The following DOCK2 variants were observed in gnomAD, a reference collection of about 807,000 sequenced individuals.
DOCK2 encodes dedicator of cytokinesis 2.
A neutral mutation model predicts 248.9 loss-of-function variants in DOCK2; 87 were observed. The ratio of observed to expected loss-of-function variants is 0.35; its 90% confidence interval spans 0.29 to 0.42. The LOEUF is 0.42. DOCK2 is among the 10% of genes least tolerant of loss of function. The pLI, the probability that DOCK2 is intolerant of heterozygous loss-of-function variation, is 1.00. For missense variants in DOCK2, 1,747 were observed against 2,300.2 expected (o/e 0.76, Z 4.92); for synonymous variants, 805 against 821.6 (o/e 0.98, Z 0.35).
chr5:169,967,925 C>T (rs533189240), intron 27 of DOCK2, among the ~76,000 whole-genome samples: 1 of 152,198 alleles, frequency 6.6e-6, no homozygotes, highest in Admixed American at 6.5e-5. Context: ...GATTACTGTC[C>T]TGGCCAAAGT....
chr5:170,045,691 T>C, intron 38 of DOCK2, 125 bp from the exon 39 acceptor site: 2 of 913,554 alleles, frequency 2.2e-6, no homozygotes, highest in Non-Finnish European at 3.5e-6. Flanking sequence ...TGGGGGTGGA[T>C]CTGGGTCAGA....
chr5:170,069,806 C>G (rs1757617925), intron 46 of DOCK2, among the ~76,000 whole-genome samples: 4 of 152,148 alleles, frequency 2.6e-5, no homozygotes. Context: ...TTACCTGCCT[C>G]TCCTTCCATT....
intron 8 of DOCK2, among the ~76,000 whole-genome samples, chr5:169,688,104 T>G (rs955248934): frequency 4.6e-5 from 7 of 152,148 alleles, no homozygotes; most frequent in African/African-American, 1.7e-4. Context: ...TTTTATATTT[T>G]TAGTAGAGGC....
At chr5:169,895,823 G>A (rs142146537) in intron 27 of DOCK2, among the ~76,000 whole-genome samples, 1 of 152,178 alleles carries the variant, frequency 6.6e-6, no homozygotes. Flanking sequence ...AATGAAAGGA[G>A]CATTTGGCTC....
intron 22 of DOCK2, among the ~76,000 whole-genome samples, chr5:169,725,616 TC>T: frequency 6.6e-6 from 1 of 152,314 alleles, no homozygotes; most frequent in African/African-American, 2.4e-5. Flanking sequence ...CATCAGCTCA[TC>T]ATTTACATTA....
rs746458293 is a variant in DOCK2 at position 169,985,878 on chromosome 5, C to A, written c.2949C>A (p.Asn983Lys). ...TGTTCAAGGACCTCATTGGAAAGAACGTGTACCCTGGAGACTGGATGGCCA... is the reference window on the plus strand; with the variant it reads ...TGTTCAAGGACCTCATTGGAAAGAAAGTGTACCCTGGAGACTGGATGGCCA... ...FIMFKDLIGK[N>K]VYPGDWMAMS... The change falls in exon 29 of 52, where the codon AAC (asparagine) becomes AAA (lysine). Residue 983 changes from asparagine to lysine, a missense_variant. By Grantham distance (94) the Asn-to-Lys change is moderately conservative (BLOSUM62 0). Transcript: ENST00000520908. The A allele has an allele frequency of 1.2e-6, 2 of 1,610,864 alleles. No individual in the cohort carries two copies. Among genetic ancestry groups the A allele is most frequent in the East Asian group, 2.2e-5 (1 of 44,796 alleles).
intron 27 of DOCK2, among the ~76,000 whole-genome samples, chr5:169,947,039 A>G (rs533726967): frequency 4.3e-4 from 65 of 152,322 alleles, no homozygotes; most frequent in African/African-American, 1.3e-3. Flanking sequence ...TTTACAATGT[A>G]TCTGGAACTG....
Position 169,865,095 on chromosome 5 carries a change from T to C in DOCK2, c.2799+24243T>C, listed in dbSNP as rs1249369591. Among the ~76,000 whole-genome samples the C allele has an allele frequency of 1.3e-5, 2 of 152,246 alleles. 1 individual carries two copies. The highest frequency in any genetic ancestry group is 3.8e-4 in the East Asian group (2 of 5,200). On this transcript the variant is annotated intron_variant, in intron 27 of 51. Transcript: ENST00000520908. ...CTTCAAGATATATCTTGGAGAGCTT[T>C]ACATGTAAGACTGCCTTGTAGTATT... is the stretch of plus-strand genomic sequence containing the variant.
At chr5:170,072,992 T>A (rs1262369203) in intron 46 of DOCK2, among the ~76,000 whole-genome samples, 1 of 152,258 alleles carries the variant, frequency 6.6e-6, no homozygotes, top group East Asian at 1.9e-4. Context: ...TGTATTTTGA[T>A]GAACAGCAGT....
intron 27 of DOCK2, among the ~76,000 whole-genome samples, chr5:169,860,756 T>A (rs533570854): frequency 6.6e-6 from 1 of 152,326 alleles, no homozygotes; most frequent in African/African-American, 2.4e-5. Context: ...TCCTGTTTAG[T>A]CAAGTAGAAA....
At position 169,671,076 on chromosome 5, in the gene DOCK2, A is replaced by G; in HGVS notation, c.225-2A>G. The G allele has an allele frequency of 6.2e-7, 1 of 1,613,364 alleles. No homozygotes were observed. Among genetic ancestry groups the G allele is most frequent in the Non-Finnish European group, 8.5e-7 (1 of 1,179,696 alleles). On this transcript the variant is annotated splice_acceptor_variant, in intron 4 of 51. Coordinates refer to ENST00000520908, the MANE Select transcript of DOCK2 (RefSeq NM_004946.3). LOFTEE classifies it high-confidence loss of function. ...CACCACTTTTTCTCCCACCTTAAAT[A>G]GAAATACTGAGAACATCATTCCTGC...
intron 22 of DOCK2, among the ~76,000 whole-genome samples, chr5:169,720,413 C>A (rs907185821): frequency 6.6e-6 from 1 of 151,916 alleles, no homozygotes; most frequent in Non-Finnish European, 1.5e-5. Flanking sequence ...TATTTTATTG[C>A]TTCTCCTCTC....
At chr5:169,968,023 A>G (rs931418494) in intron 27 of DOCK2, among the ~76,000 whole-genome samples, 1 of 152,184 alleles carries the variant, frequency 6.6e-6, no homozygotes, top group Admixed American at 6.5e-5. Flanking sequence ...TGAGCTGCCC[A>G]TGAGGTGGAA....
intron 25 of DOCK2, among the ~76,000 whole-genome samples, chr5:169,769,658 G>A (rs546653965): frequency 6.6e-6 from 1 of 152,230 alleles, no homozygotes; most frequent in Non-Finnish European, 1.5e-5. Context: ...AATATCTGGG[G>A]AGGAGGCCAG....
At chr5:169,743,859 A>G (rs1396967366) in intron 22 of DOCK2, among the ~76,000 whole-genome samples, 6 of 148,336 alleles carry the variant, frequency 4.0e-5, no homozygotes, top group African/African-American at 1.5e-4. Context: ...CATATAGATA[A>G]TATATAATTT....
At chr5:169,819,683 C>T (rs1033740642) in intron 26 of DOCK2, among the ~76,000 whole-genome samples, 5 of 152,184 alleles carry the variant, frequency 3.3e-5, no homozygotes, top group Non-Finnish European at 5.9e-5. Flanking sequence ...GTCTACATCT[C>T]CCAGCGTGAG....
intron 26 of DOCK2, among the ~76,000 whole-genome samples, chr5:169,825,033 T>G (rs1310679766): frequency 6.6e-6 from 1 of 152,210 alleles, no homozygotes; most frequent in Non-Finnish European, 1.5e-5. Flanking sequence ...TCATCATCAC[T>G]GGCCATCAGA....
intron 27 of DOCK2, among the ~76,000 whole-genome samples, chr5:169,977,485 C>A (rs546147008): frequency 1.3e-5 from 2 of 152,300 alleles, no homozygotes; most frequent in South Asian, 4.1e-4. Context: ...ATTAATTGAA[C>A]CCTCACCAAA....
Position 170,082,911 on chromosome 5 carries a change from G to A in DOCK2, c.*53G>A, listed in dbSNP as rs1758084868. ...GAGCCAGGGAGGGGAGTTTCTGGAA[G>A]AGGAAAGCCATGCGTGGAACATCGA... On this transcript the variant is annotated 3_prime_UTR_variant, in exon 52 of 52. Coordinates refer to ENST00000520908, the MANE Select transcript of DOCK2 (RefSeq NM_004946.3). 6.2e-7 allele frequency: 1 copy of A among 1,611,882 alleles called. No homozygotes were observed.
Sources: allele counts gnomAD v4.1 joint callset (sites outside exome capture counted in the v4.1 genomes callset), GRCh38; gene constraint gnomAD v4.1.1; transcripts MANE v1.5; gene names NCBI Gene and HGNC (gene_info 2026-07-23, HGNC 2026-07-21).